Variants in TRIP4 observed in about 807,000 individuals in gnomAD.
The protein encoded by TRIP4 is thyroid hormone receptor interactor 4.
In TRIP4, 54 loss-of-function variants were observed where a neutral mutation model predicts 81.8. The ratio of observed to expected loss-of-function variants is 0.66; its 90% CI spans 0.53 to 0.83. The LOEUF is 0.83. TRIP4 is among the 40% of genes least tolerant of loss of function. TRIP4 has a pLI of 0.00. For missense variants in TRIP4, 662 were observed against 683.6 expected (o/e 0.97, Z 0.35); for synonymous variants, 270 against 242.8 (o/e 1.11, Z -1.04).
chr15:64,439,512 CTTTTTTTTTT>C (rs71895300), intron 11 of TRIP4, among the ~76,000 whole-genome samples: 1 of 47,928 alleles, frequency 2.1e-5, no homozygotes, highest in Non-Finnish European at 3.3e-5. Context: ...ACTTATAAAT[CTTTTTTTTTT>C]TTTTTTTTTT....
chr15:64,427,143 A>G lies in TRIP4; in HGVS notation c.1575+1512A>G, dbSNP rs192394783. 3.9e-4 allele frequency among the ~76,000 whole-genome samples: 60 copies of G among 152,326 alleles called. 1 individual carries two copies. Among genetic ancestry groups the G allele is most frequent in the African/African-American group, 1.3e-3 (56 of 41,580 alleles). On this transcript the variant is annotated intron_variant, in intron 11 of 12. Transcript: ENST00000261884. ...TAGACACAGAACTAGCAGAAATCCA[A>G]AACAGGAAAAGTCCATCCTTGAAGC...
At chr15:64,419,124 T>G (rs1408399441) in intron 9 of TRIP4, among the ~76,000 whole-genome samples, 3 of 152,218 alleles carry the variant, frequency 2.0e-5, no homozygotes, top group Non-Finnish European at 4.4e-5. Context: ...AACATAGTTT[T>G]GATGCCTATT....
At chr15:64,441,317 A>G (rs1455827738) in intron 11 of TRIP4, among the ~76,000 whole-genome samples, 2 of 151,974 alleles carry the variant, frequency 1.3e-5, no homozygotes, top group Non-Finnish European at 1.5e-5. Flanking sequence ...TTTTTATTCA[A>G]CAAGTATTTA....
intron 11 of TRIP4, among the ~76,000 whole-genome samples, chr15:64,439,644 C>T (rs1892474101): frequency 6.6e-6 from 1 of 150,404 alleles, no homozygotes; most frequent in African/African-American, 2.5e-5. Flanking sequence ...TTGCCTCAGC[C>T]TCCCGAGTGG....
chr15:64,445,988 A>C (rs1892624236), intron 12 of TRIP4, among the ~76,000 whole-genome samples: 1 of 152,064 alleles, frequency 6.6e-6, no homozygotes, highest in African/African-American at 2.4e-5. Context: ...ACTCAAGAAT[A>C]AGGGCTGGGC....
At chr15:64,435,525 CAAAA>C (rs35102130) in intron 11 of TRIP4, among the ~76,000 whole-genome samples, 4 of 108,306 alleles carry the variant, frequency 3.7e-5, no homozygotes, top group Admixed American at 2.0e-4. Flanking sequence ...GACTCTGTCT[CAAAA>C]AAAAAAAAAA....
chr15:64,396,842 A>G (rs28689063), intron 3 of TRIP4, among the ~76,000 whole-genome samples: 2,551 of 152,346 alleles, frequency 0.017, 64 homozygotes, highest in African/African-American at 0.058. Flanking sequence ...TTCAGTTGAT[A>G]TGAGTTTGCA....
intron 11 of TRIP4, among the ~76,000 whole-genome samples, chr15:64,434,450 G>A (rs2140306837): frequency 6.6e-6 from 1 of 151,802 alleles, no homozygotes; most frequent in East Asian, 1.9e-4. Flanking sequence ...ATGATAGATA[G>A]TTTTGAATGA....
intron 1 of TRIP4, among the ~76,000 whole-genome samples, chr15:64,390,314 T>TA (rs985838820): frequency 5.4e-5 from 8 of 147,218 alleles, no homozygotes; most frequent in Non-Finnish European, 9.0e-5. Flanking sequence ...ATACAAAACT[T>TA]AGTCGGGTGT....
intron 7 of TRIP4, 56 bp from the exon 8 acceptor site, chr15:64,414,029 G>A: frequency 1.0e-5 from 16 of 1,581,406 alleles, no homozygotes; most frequent in Non-Finnish European, 1.3e-5. Flanking sequence ...TTGGTGGTAA[G>A]CATTCTGAGC....
chr15:64,446,067 G>A (rs1386001514), intron 12 of TRIP4, among the ~76,000 whole-genome samples: 1 of 152,066 alleles, frequency 6.6e-6, no homozygotes, highest in Non-Finnish European at 1.5e-5. Flanking sequence ...GAGGTCAGGA[G>A]TTCGAGACCA....
At chr15:64,447,239 T>C (rs950617429) in intron 12 of TRIP4, among the ~76,000 whole-genome samples, 2 of 152,246 alleles carry the variant, frequency 1.3e-5, no homozygotes, top group East Asian at 1.9e-4. Context: ...ATTTTGTGCC[T>C]CTTTGTCATT....
rs1310422053 is a variant in TRIP4 at position 64,389,996 on chromosome 15, C to T, written c.101+2032C>T. On this transcript the variant is annotated intron_variant, in intron 1 of 12. Transcript: ENST00000261884. Reference sequence around the variant, plus strand: ...GGATTACAGGCATGAGCCACCACGCCTGGCCCAATTTTCACATATTTATTG... The same window carrying T: ...GGATTACAGGCATGAGCCACCACGCTTGGCCCAATTTTCACATATTTATTG... Among the ~76,000 whole-genome samples the T allele has an allele frequency of 2.7e-5, 4 of 148,984 alleles. No homozygotes were observed. In the Admixed American group the frequency reaches 2.7e-4, roughly 10 times the overall value.
intron 1 of TRIP4, among the ~76,000 whole-genome samples, chr15:64,392,223 G>A (rs1056321375): frequency 4.7e-5 from 7 of 150,344 alleles, no homozygotes. Context: ...GCTTGAACCT[G>A]GGAGATGGAG....
chr15:64,390,601 C>T lies in TRIP4; in HGVS notation c.101+2637C>T, dbSNP rs186362782. 1.2e-3 allele frequency among the ~76,000 whole-genome samples: 182 copies of T among 151,846 alleles called. 1 individual carries two copies. The highest frequency in any genetic ancestry group is 9.2e-3 in the Admixed American group (140 of 15,232). The stretch of plus-strand genomic sequence containing the variant: ...TGGATTACACAGTATCAAGAAAATG[C>T]GTTCTCAGGCCAGGCGTGGTGGCTC... On this transcript the variant is annotated intron_variant, in intron 1 of 12. Transcript: ENST00000261884.
At chr15:64,417,405 G>C (rs1371284930) in intron 8 of TRIP4, among the ~76,000 whole-genome samples, 1 of 151,942 alleles carries the variant, frequency 6.6e-6, no homozygotes, top group Non-Finnish European at 1.5e-5. Flanking sequence ...CTCACCTCCT[G>C]AGTAACTAGT....
intron 5 of TRIP4, among the ~76,000 whole-genome samples, chr15:64,405,563 G>A (rs985634908): frequency 6.6e-6 from 1 of 152,172 alleles, no homozygotes; most frequent in Non-Finnish European, 1.5e-5. Context: ...CAGGGTTATT[G>A]CGAAAATTAA....
intron 1 of TRIP4, among the ~76,000 whole-genome samples, chr15:64,390,287 C>G (rs1344794914): frequency 6.6e-6 from 1 of 150,446 alleles, no homozygotes; most frequent in African/African-American, 2.4e-5. Flanking sequence ...CATGGCGAAA[C>G]CCCCACTCTA....
intron 10 of TRIP4, among the ~76,000 whole-genome samples, chr15:64,424,720 A>C (rs761855727): frequency 2.0e-5 from 3 of 152,240 alleles, no homozygotes; most frequent in Non-Finnish European, 2.9e-5. Context: ...GTTTTTAAGA[A>C]ACAAGGCTTA....
Sources: gnomAD v4.1 joint callset for allele counts (sites outside exome capture counted in the v4.1 genomes callset) on GRCh38, gnomAD v4.1.1 for gene constraint, MANE v1.5 for transcripts, NCBI Gene and HGNC (gene_info 2026-07-23, HGNC 2026-07-21) for gene names.